Variants in PCDHGA3 observed in about 807,000 individuals in gnomAD.
PCDHGA3 encodes the protein protocadherin gamma-A3.
PCDHGA3 carries 40 observed loss-of-function variants against 58.5 expected under a neutral mutation model. The observed-to-expected ratio is 0.68, with a 90% CI of 0.53 to 0.89. PCDHGA3 has a LOEUF of 0.89. Ranked by LOEUF, PCDHGA3 falls within the 40% of genes least tolerant of loss-of-function variation. The pLI, the probability that PCDHGA3 is intolerant of heterozygous loss-of-function variation, is 0.00. For missense variants in PCDHGA3, 1,223 were observed against 1,195.9 expected, an observed-to-expected ratio of 1.02 and a Z score of -0.33; for synonymous variants, 530 against 525.7, an observed-to-expected ratio of 1.01 and a Z score of -0.11.
chr5:141,393,683 G>T lies in PCDHGA3; in HGVS notation c.2424+47226G>T, dbSNP rs370409157. ...GGAAAATTAATGAAAAACAAACTCC[G>T]TTATTCCAGCTTAATGAAAATACTG... On this transcript the variant is annotated intron_variant, in intron 1 of 3. Transcript: ENST00000253812. The T allele has an allele frequency of 2.1e-5, 34 of 1,613,732 alleles. 1 individual carries two copies. The South Asian group carries it at 3.7e-4, about 18-fold the overall frequency.
At chr5:141,478,785 A>C in intron 1 of PCDHGA3, 1 of 1,482,486 alleles carries the variant, frequency 6.7e-7, no homozygotes, top group Non-Finnish European at 9.0e-7. Flanking sequence ...GACCTAATTC[A>C]CATCCTCAGC....
intron 1 of PCDHGA3, chr5:141,399,951 C>A (rs749264259): frequency 6.2e-7 from 1 of 1,612,120 alleles, no homozygotes; most frequent in Non-Finnish European, 8.5e-7. Flanking sequence ...TGCAGGCTAG[C>A]GAGCCCGGGC....
chr5:141,442,700 T>TC (rs1388243183), intron 1 of PCDHGA3, among the ~76,000 whole-genome samples: 5 of 152,198 alleles, frequency 3.3e-5, no homozygotes, highest in Non-Finnish European at 7.3e-5. Flanking sequence ...CAGACAAGAG[T>TC]ATCAGACATG....
chr5:141,444,013 C>T (rs1226458485), intron 1 of PCDHGA3, among the ~76,000 whole-genome samples: 2 of 152,060 alleles, frequency 1.3e-5, no homozygotes, highest in Admixed American at 6.6e-5. Flanking sequence ...TGGGTATTGG[C>T]TTCTAAAAGG....
At chr5:141,358,578 A>C (rs1241957472) in intron 1 of PCDHGA3, among the ~76,000 whole-genome samples, 4 of 152,212 alleles carry the variant, frequency 2.6e-5, no homozygotes, top group Non-Finnish European at 4.4e-5. Context: ...ACTATGTGTG[A>C]TTCCTCTGGT....
At chr5:141,375,275 G>A in intron 1 of PCDHGA3, 1 of 1,613,902 alleles carries the variant, frequency 6.2e-7, no homozygotes. Context: ...GGAAAAATCA[G>A]TTGGCAATTA....
At chr5:141,479,535 G>A (rs539785154) in intron 1 of PCDHGA3, 2 of 152,378 alleles carry the variant, frequency 1.3e-5, no homozygotes, top group Non-Finnish European at 2.9e-5. Context: ...AAGTGGAGAA[G>A]GTCAAAACTG....
At chr5:141,414,279 A>C in intron 1 of PCDHGA3, 1 of 1,613,350 alleles carries the variant, frequency 6.2e-7, no homozygotes, top group Non-Finnish European at 8.5e-7. Flanking sequence ...CTCTGGGAAC[A>C]GTCGTAGCCC....
rs1419377760 is a variant in PCDHGA3 at position 141,418,687 on chromosome 5, GATCACTT to G, written c.2424+72233_2424+72239del. ...ACCAGGACGAGGGCATCAACTCAGA[GATCACTT>G]ATTCCTTCTTTGGTGTGGCTGACAA... On this transcript the variant is annotated intron_variant, in intron 1 of 3. Transcript: ENST00000253812. 6 of 1,613,928 alleles carry G rather than the reference GATCACTT, an allele frequency of 3.7e-6. No individual in the cohort carries two copies. In the African/African-American group the frequency reaches 8.0e-5, roughly 22 times the overall value.
chr5:141,380,445 T>C (rs1249653673), intron 1 of PCDHGA3, among the ~76,000 whole-genome samples: 1 of 152,242 alleles, frequency 6.6e-6, no homozygotes, highest in African/African-American at 2.4e-5. Flanking sequence ...AGAATTCTTT[T>C]TAATGCAACC....
intron 1 of PCDHGA3, chr5:141,384,244 C>A (rs768651416): frequency 1.2e-5 from 20 of 1,613,710 alleles, no homozygotes; most frequent in Non-Finnish European, 1.7e-5. Flanking sequence ...CAACGATAAC[C>A]CACCCACCTT....
chr5:141,404,334 T>G (rs1201635505), intron 1 of PCDHGA3: 2 of 1,613,882 alleles, frequency 1.2e-6, no homozygotes, highest in Non-Finnish European at 1.7e-6. Flanking sequence ...TCAGTCTACC[T>G]CCCGGAAAAC....
intron 1 of PCDHGA3, among the ~76,000 whole-genome samples, chr5:141,382,389 T>A (rs1778164859): frequency 6.6e-6 from 1 of 152,228 alleles, no homozygotes; most frequent in South Asian, 2.1e-4. Flanking sequence ...AATAACTGAT[T>A]TTCCCATGTG....
Position 141,477,649 on chromosome 5 carries a change from A to G in PCDHGA3, c.2425-17158A>G, listed in dbSNP as rs2099415032. 3.7e-6 allele frequency: 6 copies of G among 1,614,076 alleles called. No individual in the cohort carries two copies. Among genetic ancestry groups the G allele is most frequent in the Non-Finnish European group, 5.1e-6 (6 of 1,180,048 alleles). ...CCGGGCTAGTGGGTCGCTATTTCAC[A>G]ATAAATCGTGACAATGGCATAGTGT... On this transcript the variant is annotated intron_variant, in intron 1 of 3. Transcript: ENST00000253812. The surrounding 1 kb of genome is among the most constrained non-coding windows in gnomAD (Gnocchi z 4.9).
intron 1 of PCDHGA3, chr5:141,374,331 GC>G (rs1334948062): frequency 1.2e-6 from 2 of 1,614,024 alleles, no homozygotes; most frequent in Admixed American, 3.3e-5. Flanking sequence ...CGAAACGGCA[GC>G]TTGGTCACCG....
At chr5:141,422,721 G>A in intron 1 of PCDHGA3, 1 of 1,605,664 alleles carries the variant, frequency 6.2e-7, no homozygotes, top group East Asian at 2.2e-5. Flanking sequence ...ACACTGTCCA[G>A]GGGGTGCCTC....
Position 141,346,357 on chromosome 5 carries a change from A to G in PCDHGA3, c.2324A>G (p.Tyr775Cys), listed in dbSNP as rs1362620626. The G allele has an allele frequency of 2.5e-6, 4 of 1,614,080 alleles. No homozygotes were observed. Among genetic ancestry groups the G allele is most frequent in the Middle Eastern group, 3.3e-4 (2 of 6,082 alleles). Residue 775 changes from tyrosine to cysteine, a missense_variant, in exon 1 of 4, where the codon TAT (tyrosine) becomes TGT (cysteine). By Grantham distance (194) the Tyr-to-Cys change is radical (BLOSUM62 -2). Around this residue, in one of 3 missense-constraint regions of PCDHGA3, gnomAD observed 325 missense variants for 327.5 expected, o/e 0.99. Coordinates refer to ENST00000253812, the MANE Select transcript of PCDHGA3 (RefSeq NM_018916.4). ...KSHLIFPQPNYADTLISQESC... is the reference protein window; with the variant it reads ...KSHLIFPQPNCADTLISQESC... ...CACCTGATTTTCCCCCAGCCCAACT[A>G]TGCGGACACGCTCATCAGCCAGGAG...
intron 1 of PCDHGA3, chr5:141,421,806 A>C (rs1027166084): frequency 4.3e-6 from 7 of 1,613,724 alleles, no homozygotes; most frequent in Non-Finnish European, 5.1e-6. Flanking sequence ...CCAAGAATCC[A>C]GAGCTAGTAC....
intron 1 of PCDHGA3, chr5:141,426,979 A>G (rs762085745): frequency 4.2e-5 from 19 of 456,640 alleles, no homozygotes; most frequent in Non-Finnish European, 7.5e-5. Flanking sequence ...GAGGTCACTG[A>G]TGCCAACGAT....
Sources: allele counts gnomAD v4.1 joint callset (sites outside exome capture counted in the v4.1 genomes callset), GRCh38; gene constraint gnomAD v4.1.1; regional missense constraint gnomAD v4.1.1; non-coding constraint Gnocchi (gnomAD v3.1); transcripts MANE v1.5; gene names NCBI Gene and HGNC (gene_info 2026-07-23, HGNC 2026-07-21).